ZFAT: variants seen among roughly 807,000 people sequenced by gnomAD.
ZFAT encodes zinc finger protein ZFAT.
ZFAT carries 64 observed loss-of-function variants against 117.7 expected under a neutral mutation model. That is an observed-to-expected ratio of 0.54 (90% CI 0.44 to 0.67). The LOEUF (loss-of-function observed/expected upper bound fraction) is 0.67, where lower values mean the gene tolerates loss of function less well. Ranked by LOEUF, ZFAT falls within the 30% of genes least tolerant of loss-of-function variation. ZFAT has a pLI of 0.00. For synonymous variants in ZFAT, 679 were observed against 615.0 expected (o/e 1.10, Z -1.54); for missense variants, 1,433 against 1,584.5 (o/e 0.90, Z 1.62).
chr8:134,732,144 T>C, the ZFAT span, among the ~76,000 whole-genome samples: 1 of 152,194 alleles, frequency 6.6e-6, no homozygotes, highest in Non-Finnish European at 1.5e-5. Flanking sequence ...CCCCACACTA[T>C]GAAATATTAT....
At chr8:134,630,701 A>G (rs1435400436) in intron 3 of ZFAT, among the ~76,000 whole-genome samples, 2 of 150,600 alleles carry the variant, frequency 1.3e-5, no homozygotes, top group Non-Finnish European at 3.0e-5. Flanking sequence ...GCTGTTCTAC[A>G]TAACTACAGG....
chr8:134,730,990 G>A, the ZFAT span, among the ~76,000 whole-genome samples: 1 of 152,208 alleles, frequency 6.6e-6, no homozygotes, highest in Non-Finnish European at 1.5e-5. Flanking sequence ...GGCCATGAAT[G>A]CTCTATTGCC....
At chr8:134,681,367 C>T (rs1833062443) in intron 1 of ZFAT, among the ~76,000 whole-genome samples, 1 of 152,242 alleles carries the variant, frequency 6.6e-6, no homozygotes, top group African/African-American at 2.4e-5. Flanking sequence ...CCTTTGCCCA[C>T]TGCCTTTCAT....
chr8:134,510,642 G>A (rs780269951), intron 14 of ZFAT: 24 of 157,068 alleles, frequency 1.5e-4, no homozygotes, highest in Non-Finnish European at 3.0e-4. Flanking sequence ...GGGAAATGGT[G>A]CAAATGTACC....
intron 1 of ZFAT, among the ~76,000 whole-genome samples, chr8:134,665,728 T>C (rs970087380): frequency 6.6e-6 from 1 of 152,158 alleles, no homozygotes; most frequent in East Asian, 1.9e-4. Context: ...GACCTTTTGC[T>C]GTGCATCACA....
At chr8:134,729,689 C>T in the ZFAT span, among the ~76,000 whole-genome samples, 3 of 152,158 alleles carry the variant, frequency 2.0e-5, no homozygotes, top group Admixed American at 2.0e-4. Context: ...TGTTACTACA[C>T]CTGAATAGCA....
At chr8:134,624,787 T>C (rs1829386346) in intron 3 of ZFAT, among the ~76,000 whole-genome samples, 1 of 152,242 alleles carries the variant, frequency 6.6e-6, no homozygotes. Flanking sequence ...ATTCAAAGTA[T>C]GTTGAATTGG....
At chr8:134,669,838 G>A (rs148365299) in intron 1 of ZFAT, among the ~76,000 whole-genome samples, 4,214 of 152,288 alleles carry the variant, frequency 0.028, 101 homozygotes, top group South Asian at 0.043. Flanking sequence ...ACCCATCAGT[G>A]TGCTGTATTC....
the ZFAT span, among the ~76,000 whole-genome samples, chr8:134,768,573 G>C: frequency 6.6e-6 from 1 of 152,224 alleles, no homozygotes; most frequent in Admixed American, 6.5e-5. Context: ...TCTTACATGA[G>C]TGGCAGCAGG....
At chr8:134,610,346 G>A in intron 4 of ZFAT, 124 bp downstream of exon 4, 2 of 1,051,798 alleles carry the variant, frequency 1.9e-6, no homozygotes, top group Non-Finnish European at 2.7e-6. Flanking sequence ...ATTAGTGGGT[G>A]ATTAAATGGA....
At chr8:134,533,036 C>T (rs1195884757) in intron 11 of ZFAT, 64 bp from the exon 12 acceptor site, 7 of 1,545,400 alleles carry the variant, frequency 4.5e-6, no homozygotes, top group Non-Finnish European at 6.1e-6. Flanking sequence ...CGCTGCTGCT[C>T]CCACCTGGTG....
chr8:134,648,249 T>C (rs1440803787), intron 2 of ZFAT, among the ~76,000 whole-genome samples: 1 of 150,236 alleles, frequency 6.7e-6, no homozygotes, highest in Admixed American at 6.6e-5. Flanking sequence ...AGCCTACCCT[T>C]TCCAACCTAA....
the ZFAT span, among the ~76,000 whole-genome samples, chr8:134,817,413 A>T: frequency 1.2e-4 from 12 of 96,966 alleles, no homozygotes; most frequent in African/African-American, 3.9e-4. Context: ...ACACACACAC[A>T]CACACACACA....
the ZFAT span, among the ~76,000 whole-genome samples, chr8:134,786,840 CTTT>C: frequency 1.5e-4 from 20 of 137,054 alleles, no homozygotes; most frequent in Non-Finnish European, 2.4e-4. Context: ...TGATATCAAG[CTTT>C]TTTTTTTTTT....
At chr8:134,826,712 T>C in the ZFAT span, among the ~76,000 whole-genome samples, 1 of 152,320 alleles carries the variant, frequency 6.6e-6, no homozygotes, top group Non-Finnish European at 1.5e-5. Context: ...CACAGGAATA[T>C]AAAAATGTTC....
chr8:134,761,711 T>G, the ZFAT span, among the ~76,000 whole-genome samples: 1 of 151,270 alleles, frequency 6.6e-6, no homozygotes, highest in Non-Finnish European at 1.5e-5. Flanking sequence ...AAAAAAAAAG[T>G]AAAATAAAAT....
Position 134,583,150 on chromosome 8 carries a change from G to A in ZFAT, c.2887+682C>T, listed in dbSNP as rs1030187269. ...CCCATGCCCTGCTCCCAGGGCTCCC[G>A]AGCTCCCCTCCATCACTGCACTTAC... On this transcript the variant is annotated intron_variant, in intron 10 of 15. Coordinates refer to ENST00000377838, the MANE Select transcript of ZFAT (RefSeq NM_020863.4). Among the ~76,000 whole-genome samples the A allele has an allele frequency of 4.0e-5, 6 of 151,352 alleles. No individual in the cohort carries two copies. In the South Asian group the frequency reaches 6.3e-4, roughly 16 times the overall value.
Position 134,478,878 on chromosome 8 carries a change from C to T in ZFAT, c.3493-157G>A, listed in dbSNP as rs1817087427. Reference sequence around the variant, plus strand: ...TACCAGGCTGTGCTTGCTCTCATGCCCATTTTACAGCTGAACAGAATGAGG... The same window carrying T: ...TACCAGGCTGTGCTTGCTCTCATGCTCATTTTACAGCTGAACAGAATGAGG... On this transcript the variant is annotated intron_variant, in intron 15 of 15. Transcript: ENST00000377838. The surrounding 1 kb of genome is among the most constrained non-coding windows in gnomAD (Gnocchi z 5.2). Among the ~76,000 whole-genome samples, 1 of 152,216 alleles carries T rather than the reference C, an allele frequency of 6.6e-6. No homozygotes were observed. Among genetic ancestry groups the T allele is most frequent in the African/African-American group, 2.4e-5 (1 of 41,446 alleles).
rs996389949 is a variant in ZFAT, at chr8:134,693,963, G to C, written c.19+18882C>G. Among the ~76,000 whole-genome samples the C allele has an allele frequency of 2.0e-5, 3 of 152,144 alleles. No homozygotes were observed. The South Asian group carries it at 6.2e-4, about 31-fold the overall frequency. On this transcript the variant is annotated intron_variant, in intron 1 of 15. Coordinates refer to ENST00000377838, the MANE Select transcript of ZFAT (RefSeq NM_020863.4). Reference sequence around the variant, plus strand: ...GCTGAGAACGCAGCATTATTTCTGCGCAATTCCTGCCCAGAAATGCAGAAT... The same window carrying C: ...GCTGAGAACGCAGCATTATTTCTGCCCAATTCCTGCCCAGAAATGCAGAAT...
Sources: allele counts gnomAD v4.1 joint callset (sites outside exome capture counted in the v4.1 genomes callset), GRCh38; gene constraint gnomAD v4.1.1; non-coding constraint Gnocchi (gnomAD v3.1); transcripts MANE v1.5; gene names NCBI Gene and HGNC (gene_info 2026-07-23, HGNC 2026-07-21).